PLEKHA1: variants seen among roughly 807,000 people sequenced by gnomAD.
PLEKHA1 encodes pleckstrin homology domain containing A1, also known as pleckstrin homology domain-containing family A member 1.
A neutral mutation model predicts 52.0 loss-of-function variants in PLEKHA1; 34 were observed. The observed-to-expected ratio is 0.65, with a 90% CI of 0.50 to 0.87. The LOEUF is 0.87. Ranked by LOEUF, PLEKHA1 falls within the 40% of genes least tolerant of loss-of-function variation. PLEKHA1 has a pLI of 0.00. For synonymous variants in PLEKHA1, 163 were observed against 170.7 expected, an observed-to-expected ratio of 0.95 and a Z score of 0.35; for missense variants, 497 against 504.2, an observed-to-expected ratio of 0.99 and a Z score of 0.14.
intron 6 of PLEKHA1, among the ~76,000 whole-genome samples, chr10:122,414,078 A>C (rs1302606802): frequency 6.6e-6 from 1 of 152,100 alleles, no homozygotes; most frequent in South Asian, 2.1e-4. Context: ...ATTTTCCACC[A>C]AAGTTGGATA....
chr10:122,380,019 A>G (rs1337254467), intron 1 of PLEKHA1, among the ~76,000 whole-genome samples: 1 of 152,230 alleles, frequency 6.6e-6, no homozygotes, highest in Non-Finnish European at 1.5e-5. Context: ...CATGTTAATA[A>G]TATAATTGTG....
intron 1 of PLEKHA1, among the ~76,000 whole-genome samples, chr10:122,378,065 T>C (rs1252873393): frequency 6.6e-6 from 1 of 152,220 alleles, no homozygotes; most frequent in East Asian, 1.9e-4. Context: ...AGCCTAGCCT[T>C]TTATGGTTTA....
the PLEKHA1 span, chr10:122,439,810 C>T: frequency 6.6e-6 from 1 of 152,144 alleles, no homozygotes; most frequent in Non-Finnish European, 1.5e-5. Context: ...ATCCTCTCAA[C>T]CTGGTGCTCT....
intron 10 of PLEKHA1, 110 bp downstream of exon 10, chr10:122,425,069 C>G: frequency 1.1e-6 from 1 of 908,552 alleles, no homozygotes; most frequent in African/African-American, 1.7e-5. Context: ...AAAAATATGA[C>G]AACTGTAATT....
the PLEKHA1 span, chr10:122,438,712 A>G: frequency 6.6e-6 from 1 of 152,336 alleles, no homozygotes; most frequent in Non-Finnish European, 1.5e-5. Flanking sequence ...TCAATAACTG[A>G]TAACTGTAGT....
In PLEKHA1 at chr10:122,400,336, T is replaced by G; in HGVS notation, c.199-7T>G. 6.2e-7 allele frequency: 1 copy of G among 1,601,130 alleles called. No homozygotes were observed. On this transcript the variant is annotated splice_region_variant and splice_polypyrimidine_tract_variant and intron_variant, in intron 3 of 11. Transcript: ENST00000368990. ...AGTGAGGAACCCGTCTCTATTTTTC[T>G]TTTTAGGTTAGCGATGCTACTAAGC...
At chr10:122,413,514 A>G (rs1259964565) in intron 6 of PLEKHA1, among the ~76,000 whole-genome samples, 1 of 152,104 alleles carries the variant, frequency 6.6e-6, no homozygotes, top group African/African-American at 2.4e-5. Flanking sequence ...AATTCCTAGA[A>G]ATAAAATTGC....
chr10:122,437,582 A>G, the PLEKHA1 span: 3 of 152,396 alleles, frequency 2.0e-5, no homozygotes, highest in East Asian at 5.8e-4. Flanking sequence ...AGAAGAAAAG[A>G]GAACCATGGA....
At chr10:122,429,197 C>A (rs1054477489) in intron 11 of PLEKHA1, among the ~76,000 whole-genome samples, 2 of 151,966 alleles carry the variant, frequency 1.3e-5, no homozygotes, top group African/African-American at 4.8e-5. Flanking sequence ...TAATTTTTTT[C>A]ATTCTAAAAT....
chr10:122,411,824 A>T (rs562043349), intron 5 of PLEKHA1: 1 of 152,332 alleles, frequency 6.6e-6, no homozygotes, highest in East Asian at 1.9e-4. Context: ...CTATATGACA[A>T]GCAAACTATT....
intron 6 of PLEKHA1, among the ~76,000 whole-genome samples, chr10:122,413,540 C>T (rs1490142940): frequency 2.0e-5 from 3 of 151,968 alleles, no homozygotes; most frequent in Non-Finnish European, 4.4e-5. Flanking sequence ...CAAGAGTTTG[C>T]AAGTAGTAAT....
chr10:122,381,213 T>C (rs1343917947), intron 1 of PLEKHA1, among the ~76,000 whole-genome samples: 2 of 151,320 alleles, frequency 1.3e-5, no homozygotes, highest in African/African-American at 4.8e-5. Context: ...ATAATCCAGG[T>C]GGGAGGTCAT....
At position 122,429,964 on chromosome 10, in the gene PLEKHA1, C is replaced by T. The variant is rs1222050229; in HGVS notation, c.*26C>T. ...GGCAGAAGCGCACGGAGCCTGCCTG[C>T]CTCTGCCGTCCTCAGTTTCCTTTCA... On this transcript the variant is annotated 3_prime_UTR_variant, in exon 12 of 12. Coordinates refer to ENST00000368990, the MANE Select transcript of PLEKHA1 (RefSeq NM_001001974.4). 6.4e-7 allele frequency: 1 copy of T among 1,571,420 alleles called. No homozygotes were observed. Among genetic ancestry groups the T allele is most frequent in the Admixed American group, 1.9e-5 (1 of 53,398 alleles).
chr10:122,426,971 G>T lies in PLEKHA1; in HGVS notation c.840G>T (p.Trp280Cys). 6.2e-7 allele frequency: 1 copy of T among 1,614,068 alleles called. No homozygotes were observed. Among genetic ancestry groups the T allele is most frequent in the Non-Finnish European group, 8.5e-7 (1 of 1,179,976 alleles). Residue 280 changes from tryptophan (W) to cysteine (C), a missense_variant, in exon 11 of 12, where the codon TGG becomes TGT. Physicochemically the swap from Trp to Cys is radical, Grantham distance 215. Coordinates refer to ENST00000368990, the MANE Select transcript of PLEKHA1 (RefSeq NM_001001974.4). ...ATAGCCCTGAAGAGATGCACAGTTG[G>T]ATTAAAGCAGTCTCTGGCGCCATTG... ...QADSPEEMHSWIKAVSGAIVA... is the reference protein window; with the variant it reads ...QADSPEEMHSCIKAVSGAIVA...
intron 1 of PLEKHA1, among the ~76,000 whole-genome samples, chr10:122,377,796 A>G (rs999537396): frequency 1.3e-5 from 2 of 152,214 alleles, no homozygotes; most frequent in African/African-American, 2.4e-5. Flanking sequence ...GCTTAAGCAA[A>G]CATATGTTTG....
chr10:122,421,717 A>G (rs966627696), intron 8 of PLEKHA1: 3 of 152,222 alleles, frequency 2.0e-5, no homozygotes, highest in African/African-American at 7.2e-5. Flanking sequence ...TTCATTTAAA[A>G]ATTAAAATAG....
intron 5 of PLEKHA1, among the ~76,000 whole-genome samples, chr10:122,407,770 T>G (rs1454163298): frequency 6.6e-6 from 1 of 152,226 alleles, no homozygotes. Context: ...TTTTGTTTTT[T>G]TTAAAGAAAG....
intron 1 of PLEKHA1, among the ~76,000 whole-genome samples, chr10:122,382,746 T>C (rs951951029): frequency 1.3e-5 from 2 of 152,226 alleles, no homozygotes; most frequent in Non-Finnish European, 2.9e-5. Context: ...CTCTTTTCTC[T>C]CACTGTGAAA....
At chr10:122,434,201 T>C (rs539626633), downstream of PLEKHA1, 6 of 152,224 alleles carry the variant, frequency 3.9e-5, no homozygotes, top group African/African-American at 1.4e-4. Flanking sequence ...TCCAAATATG[T>C]AGCTGTGTTT....
Sources: gnomAD v4.1 joint callset for allele counts (sites outside exome capture counted in the v4.1 genomes callset) on GRCh38, gnomAD v4.1.1 for gene constraint, MANE v1.5 for transcripts, NCBI Gene and HGNC (gene_info 2026-07-23, HGNC 2026-07-21) for gene names.